Variants in ZRANB3 observed in about 807,000 individuals in gnomAD.
ZRANB3 encodes DNA annealing helicase and endonuclease ZRANB3.
ZRANB3 carries 125 observed loss-of-function variants against 133.8 expected under a neutral mutation model. That is an observed-to-expected ratio of 0.93 (90% CI 0.81 to 1.08). ZRANB3 has a LOEUF of 1.08. Ranked by LOEUF, ZRANB3 falls within the 50% of genes least tolerant of loss-of-function variation. The pLI, the probability that ZRANB3 is intolerant of heterozygous loss-of-function variation, is 0.00. For synonymous variants in ZRANB3, 387 were observed against 432.7 expected (o/e 0.89, Z 1.31); for missense variants, 1,229 against 1,275.5 (o/e 0.96, Z 0.56).
Position 135,230,817 on chromosome 2 carries a change from A to G in ZRANB3, c.1650T>C (p.Thr550=). Reference sequence around the variant, plus strand: ...TTTTTGTAGGGTCTGATGACACTACAGTATTTTCCTCCCGGAATCTCTTTG... The same window carrying G: ...TTTTTGTAGGGTCTGATGACACTACGGTATTTTCCTCCCGGAATCTCTTTG... The part of the protein sequence containing the change: ...DESKRFREEN[T]VVSSDPTKTA... Residue 550 remains threonine, a synonymous_variant, in exon 13 of 21, where the codon ACT becomes ACC. Coordinates refer to ENST00000264159, the MANE Select transcript of ZRANB3 (RefSeq NM_032143.4). 6.2e-7 allele frequency: 1 copy of G among 1,613,632 alleles called. No homozygotes were observed. Among genetic ancestry groups the G allele is most frequent in the Non-Finnish European group, 8.5e-7 (1 of 1,179,818 alleles).
chr2:135,455,589 C>CTTT (rs929421233), intron 2 of ZRANB3, among the ~76,000 whole-genome samples: 42 of 126,464 alleles, frequency 3.3e-4, no homozygotes, highest in Non-Finnish European at 4.1e-4. Flanking sequence ...TGATTTTTTT[C>CTTT]TTTTTTTTTT....
chr2:135,338,584 T>C (rs1303707142), intron 6 of ZRANB3, among the ~76,000 whole-genome samples: 1 of 152,234 alleles, frequency 6.6e-6, no homozygotes, highest in Non-Finnish European at 1.5e-5. Flanking sequence ...GTTTTACACA[T>C]ATACATTTTA....
chr2:135,254,493 A>C (rs1679553897), intron 12 of ZRANB3, among the ~76,000 whole-genome samples: 1 of 152,136 alleles, frequency 6.6e-6, no homozygotes, highest in African/African-American at 2.4e-5. Flanking sequence ...CACGCCTATA[A>C]TCCCAGCTAC....
intron 2 of ZRANB3, among the ~76,000 whole-genome samples, chr2:135,403,407 G>C (rs956779968): frequency 6.6e-6 from 1 of 152,228 alleles, no homozygotes; most frequent in African/African-American, 2.4e-5. Flanking sequence ...GGCTGGGGGA[G>C]AGGCGCCCGC....
At chr2:135,404,829 A>C (rs1482649532) in intron 2 of ZRANB3, among the ~76,000 whole-genome samples, 1 of 152,220 alleles carries the variant, frequency 6.6e-6, no homozygotes, top group Non-Finnish European at 1.5e-5. Context: ...TTTTCAACCC[A>C]GAATTTCATA....
intron 12 of ZRANB3, among the ~76,000 whole-genome samples, chr2:135,239,097 A>G (rs2076634866): frequency 6.6e-6 from 1 of 152,222 alleles, no homozygotes; most frequent in Non-Finnish European, 1.5e-5. Context: ...TAACTAAGAC[A>G]GACCCTGTAG....
intron 2 of ZRANB3, among the ~76,000 whole-genome samples, chr2:135,393,210 T>C (rs1310831958): frequency 3.9e-5 from 6 of 152,130 alleles, no homozygotes; most frequent in Admixed American, 1.3e-4. Flanking sequence ...AATACTTTAA[T>C]TGAAAATTAA....
chr2:135,524,334 G>A (rs113136425), intron 1 of ZRANB3, among the ~76,000 whole-genome samples: 4 of 151,898 alleles, frequency 2.6e-5, no homozygotes, highest in Admixed American at 1.3e-4. Flanking sequence ...CACCCGCCTC[G>A]GCCTCCCAAA....
At chr2:135,369,185 T>C (rs1686063782) in intron 3 of ZRANB3, among the ~76,000 whole-genome samples, 1 of 151,528 alleles carries the variant, frequency 6.6e-6, no homozygotes, top group African/African-American at 2.4e-5. Context: ...CAGAAATACA[T>C]AGAAAGTATT....
chr2:135,331,871 T>G (rs992185248), intron 6 of ZRANB3, among the ~76,000 whole-genome samples: 2 of 151,214 alleles, frequency 1.3e-5, no homozygotes, highest in Non-Finnish European at 3.0e-5. Flanking sequence ...TAGGAGACTT[T>G]TACTTTTTTA....
At chr2:135,341,949 T>G (rs1684688132) in intron 6 of ZRANB3, among the ~76,000 whole-genome samples, 1 of 150,010 alleles carries the variant, frequency 6.7e-6, no homozygotes, top group Non-Finnish European at 1.5e-5. Context: ...ATGAACTTAA[T>G]CAGCAATTCT....
intron 8 of ZRANB3, among the ~76,000 whole-genome samples, chr2:135,309,082 G>A (rs1682846662): frequency 6.6e-6 from 1 of 150,626 alleles, no homozygotes; most frequent in African/African-American, 2.5e-5. Context: ...CTGGGTTCAC[G>A]CCATTCTCCT....
intron 12 of ZRANB3, among the ~76,000 whole-genome samples, chr2:135,237,098 AAAAC>A (rs1300872205): frequency 9.2e-5 from 14 of 152,220 alleles, no homozygotes; most frequent in Non-Finnish European, 1.5e-4. Flanking sequence ...TTACAAGAAA[AAAAC>A]AAACAACCCC....
chr2:135,464,280 G>C (rs774495479), intron 2 of ZRANB3, among the ~76,000 whole-genome samples: 4 of 152,114 alleles, frequency 2.6e-5, no homozygotes, highest in Non-Finnish European at 5.9e-5. Context: ...ACCTCCTTTT[G>C]TTCTTCTTTC....
At chr2:135,498,424 C>T (rs1692779466) in intron 2 of ZRANB3, among the ~76,000 whole-genome samples, 1 of 152,212 alleles carries the variant, frequency 6.6e-6, no homozygotes, top group Non-Finnish European at 1.5e-5. Flanking sequence ...CTTCCCCAAT[C>T]AATACTCTTG....
chr2:135,258,879 A>C (rs1438952530), intron 12 of ZRANB3, among the ~76,000 whole-genome samples: 4 of 152,224 alleles, frequency 2.6e-5, no homozygotes, highest in Admixed American at 1.3e-4. Flanking sequence ...TGCTGTTACC[A>C]TGTATTCAAC....
At chr2:135,487,447 T>G (rs1692173410) in intron 2 of ZRANB3, among the ~76,000 whole-genome samples, 1 of 152,218 alleles carries the variant, frequency 6.6e-6, no homozygotes, top group African/African-American at 2.4e-5. Context: ...AGGCATTGAC[T>G]TCTCTCTAAT....
At chr2:135,374,501 CTTT>C (rs548112054) in intron 3 of ZRANB3, among the ~76,000 whole-genome samples, 9 of 140,010 alleles carry the variant, frequency 6.4e-5, no homozygotes, top group African/African-American at 7.8e-5. Flanking sequence ...TAAAACATAT[CTTT>C]TTTTTTTTTT....
intron 2 of ZRANB3, among the ~76,000 whole-genome samples, chr2:135,438,505 CA>C (rs1157022707): frequency 0.15 from 11,000 of 74,890 alleles, 694 homozygotes; most frequent in African/African-American, 0.26. Flanking sequence ...AACCCCGTCT[CA>C]AAAAAAAAAA....
Sources: allele counts gnomAD v4.1 joint callset (sites outside exome capture counted in the v4.1 genomes callset), GRCh38; gene constraint gnomAD v4.1.1; transcripts MANE v1.5; gene names NCBI Gene and HGNC (gene_info 2026-07-23, HGNC 2026-07-21).